CLVS1: variants seen among roughly 807,000 people sequenced by gnomAD.
CLVS1 encodes the protein clavesin-1.
A neutral mutation model predicts 33.1 loss-of-function variants in CLVS1; 10 were observed. The observed-to-expected ratio is 0.30, with a 90% CI of 0.19 to 0.51. The LOEUF is 0.51. Among genes scored for constraint, CLVS1 ranks in the 20% least tolerant of loss-of-function variants. CLVS1 has a pLI of 0.97. For missense variants in CLVS1, 343 were observed against 433.4 expected (o/e 0.79, Z 1.85); for synonymous variants, 163 against 166.1 (o/e 0.98, Z 0.14).
At chr8:61,138,595 G>A (rs1806237206) in intron 2 of CLVS1, among the ~76,000 whole-genome samples, 2 of 151,628 alleles carry the variant, frequency 1.3e-5, no homozygotes. Context: ...GGGGCAGGGA[G>A]GTTGATCAGA....
intron 2 of CLVS1, among the ~76,000 whole-genome samples, chr8:61,255,485 T>C (rs983655750): frequency 6.6e-6 from 1 of 152,200 alleles, no homozygotes; most frequent in Non-Finnish European, 1.5e-5. Context: ...TTCTTGTCTG[T>C]ATGTGTGTGT....
At position 61,500,958 on chromosome 8, in the gene CLVS1, A is replaced by G. The variant is rs1804785554; in HGVS notation, c.*1416A>G. 1 of 152,172 alleles carries G rather than the reference A, an allele frequency of 6.6e-6. No individual in the cohort carries two copies. Among genetic ancestry groups the G allele is most frequent in the South Asian group, 2.1e-4 (1 of 4,830 alleles). The allele number at this position is 152,172 out of a possible 1,614,324, so 9.4% of individuals were successfully genotyped here. A position where few individuals can be genotyped will look rare whatever the true frequency, so the allele number is the denominator to read the frequency against. ...TATTTATTACATCATCTCTTTCTCAATGGATCTAATGTTTTAATTTTTTCC... is the reference window on the plus strand; with the variant it reads ...TATTTATTACATCATCTCTTTCTCAGTGGATCTAATGTTTTAATTTTTTCC... On this transcript the variant is annotated 3_prime_UTR_variant, in exon 6 of 6. Transcript: ENST00000325897.
At chr8:61,251,653 T>A (rs1483799972) in intron 2 of CLVS1, among the ~76,000 whole-genome samples, 4 of 152,186 alleles carry the variant, frequency 2.6e-5, no homozygotes, top group African/African-American at 9.7e-5. Context: ...AGAGTGTATG[T>A]GTTTAGGAAT....
intron 1 of CLVS1, among the ~76,000 whole-genome samples, chr8:61,076,793 T>C (rs1804919682): frequency 6.6e-6 from 1 of 152,252 alleles, no homozygotes; most frequent in South Asian, 2.1e-4. Context: ...ACCCCTGATA[T>C]TGGTTTTAAT....
intron 2 of CLVS1, among the ~76,000 whole-genome samples, chr8:61,355,829 T>G (rs1032680605): frequency 6.6e-6 from 1 of 152,116 alleles, no homozygotes; most frequent in Non-Finnish European, 1.5e-5. Context: ...GACATTTGGG[T>G]TGGTTCCAAG....
At chr8:61,089,946 A>ATC (rs1412795403) in intron 1 of CLVS1, among the ~76,000 whole-genome samples, 1 of 152,124 alleles carries the variant, frequency 6.6e-6, no homozygotes, top group African/African-American at 2.4e-5. Flanking sequence ...GTTAAAAAAA[A>ATC]TCTCCCAGGA....
chr8:61,307,762 C>T (rs575766807), intron 2 of CLVS1, among the ~76,000 whole-genome samples: 2 of 152,078 alleles, frequency 1.3e-5, no homozygotes, highest in East Asian at 3.9e-4. Context: ...GTAGCAAATT[C>T]TGGGCTTTCA....
chr8:61,383,357 T>C (rs1378077257), intron 3 of CLVS1, among the ~76,000 whole-genome samples: 1 of 152,252 alleles, frequency 6.6e-6, no homozygotes, highest in East Asian at 1.9e-4. Flanking sequence ...TTTCATCCTG[T>C]AGGACTCTCT....
At chr8:61,108,467 AT>A (rs1002034942) in intron 1 of CLVS1, among the ~76,000 whole-genome samples, 13 of 152,058 alleles carry the variant, frequency 8.5e-5, no homozygotes, top group African/African-American at 2.9e-4. Flanking sequence ...ATCTATTCCA[AT>A]CTCTGTTTCA....
intron 2 of CLVS1, among the ~76,000 whole-genome samples, chr8:61,151,505 C>T (rs987042755): frequency 6.6e-6 from 1 of 152,162 alleles, no homozygotes; most frequent in Non-Finnish European, 1.5e-5. Context: ...AGCCTTATTT[C>T]TGTTTCTAGT....
intron 2 of CLVS1, among the ~76,000 whole-genome samples, chr8:61,332,823 C>T (rs1334709513): frequency 1.3e-5 from 2 of 151,996 alleles, no homozygotes; most frequent in Admixed American, 6.5e-5. Flanking sequence ...TTAGTAAAGA[C>T]GGTGTTTCAC....
chr8:61,340,225 C>G (rs1811983371), intron 2 of CLVS1, among the ~76,000 whole-genome samples: 1 of 152,180 alleles, frequency 6.6e-6, no homozygotes, highest in South Asian at 2.1e-4. Context: ...AATCTACTTT[C>G]TTGGCAATTT....
intron 2 of CLVS1, among the ~76,000 whole-genome samples, chr8:61,138,209 A>G (rs1204748722): frequency 6.6e-6 from 1 of 152,226 alleles, no homozygotes; most frequent in African/African-American, 2.4e-5. Flanking sequence ...AGACAATTAA[A>G]TAGGTGAAGA....
the CLVS1 span, among the ~76,000 whole-genome samples, chr8:61,047,139 G>A: frequency 6.6e-6 from 1 of 152,172 alleles, no homozygotes; most frequent in Non-Finnish European, 1.5e-5. Context: ...ATCGAAAAGT[G>A]GGCGAAGGAC....
At chr8:61,249,530 C>T (rs1808889926) in intron 2 of CLVS1, among the ~76,000 whole-genome samples, 1 of 152,174 alleles carries the variant, frequency 6.6e-6, no homozygotes, top group African/African-American at 2.4e-5. Context: ...AATTTACACT[C>T]CCACCAACAG....
chr8:61,185,949 C>T (rs1450746928), intron 2 of CLVS1, among the ~76,000 whole-genome samples: 1 of 152,184 alleles, frequency 6.6e-6, no homozygotes, highest in Non-Finnish European at 1.5e-5. Flanking sequence ...CTTGTTTCCT[C>T]CCTAGTTGCC....
At chr8:61,173,522 C>G (rs1435800172) in intron 2 of CLVS1, among the ~76,000 whole-genome samples, 1 of 152,102 alleles carries the variant, frequency 6.6e-6, no homozygotes, top group African/African-American at 2.4e-5. Context: ...TTTGCTGTAT[C>G]CCAGTGGTAT....
At chr8:61,471,946 C>T (rs1177392238) in intron 5 of CLVS1, among the ~76,000 whole-genome samples, 2 of 152,244 alleles carry the variant, frequency 1.3e-5, no homozygotes, top group Non-Finnish European at 2.9e-5. Flanking sequence ...CGGGCACACA[C>T]AGCCCCCATC....
intron 2 of CLVS1, among the ~76,000 whole-genome samples, chr8:61,239,105 C>CA (rs1303577119): frequency 1.3e-5 from 2 of 152,176 alleles, no homozygotes; most frequent in Admixed American, 6.5e-5. Context: ...TGTTTCAAAA[C>CA]AAAAAACTAT....
Sources: allele counts gnomAD v4.1 joint callset (sites outside exome capture counted in the v4.1 genomes callset), GRCh38; gene constraint gnomAD v4.1.1; transcripts MANE v1.5; gene names NCBI Gene and HGNC (gene_info 2026-07-23, HGNC 2026-07-21).